SCD5: variants seen among roughly 807,000 people sequenced by gnomAD.
The protein encoded by SCD5 is acyl-CoA-desaturase 4.
Under a neutral mutation model 30.4 loss-of-function variants are expected in SCD5, and 20 were observed. The ratio of observed to expected loss-of-function variants is 0.66; its 90% CI spans 0.46 to 0.96. The LOEUF is 0.96. Among genes scored for constraint, SCD5 ranks in the 40% least tolerant of loss-of-function variants. The pLI, the probability that SCD5 is intolerant of heterozygous loss-of-function variation, is 0.00. For synonymous variants in SCD5, 173 were observed against 176.4 expected (o/e 0.98, Z 0.16); for missense variants, 381 against 443.3 (o/e 0.86, Z 1.26).
At chr4:82,674,639 T>C (rs371586314) in intron 3 of SCD5, among the ~76,000 whole-genome samples, 2 of 152,232 alleles carry the variant, frequency 1.3e-5, no homozygotes, top group Middle Eastern at 3.4e-3. Flanking sequence ...CCCAAAGGAG[T>C]TGAAAACCTA....
At chr4:82,681,631 G>C (rs28483712) in intron 2 of SCD5, among the ~76,000 whole-genome samples, 4,333 of 152,260 alleles carry the variant, frequency 0.028, 238 homozygotes, top group African/African-American at 0.099. Flanking sequence ...GCTATCAAGG[G>C]TGGAGGGTGG....
chr4:82,737,928 G>A (rs1194759499), intron 1 of SCD5, among the ~76,000 whole-genome samples: 1 of 147,534 alleles, frequency 6.8e-6, no homozygotes, highest in Non-Finnish European at 1.5e-5. Context: ...ACACTTTACA[G>A]ATTGGACCTG....
intron 1 of SCD5, among the ~76,000 whole-genome samples, chr4:82,780,317 C>G (rs564974211): frequency 6.6e-6 from 1 of 152,304 alleles, no homozygotes; most frequent in African/African-American, 2.4e-5. Flanking sequence ...CACCCCAGGC[C>G]TACTTCTCTG....
chr4:82,753,270 A>G, intron 1 of SCD5: 2 of 475,904 alleles, frequency 4.2e-6, no homozygotes, highest in Admixed American at 2.2e-5. Flanking sequence ...ATTAATCCAC[A>G]TTCTCTAGAT....
chr4:82,779,327 G>A (rs1721819996), intron 1 of SCD5, among the ~76,000 whole-genome samples: 3 of 152,160 alleles, frequency 2.0e-5, no homozygotes, highest in Admixed American at 6.5e-5. Context: ...GAAGATGGAG[G>A]AAGGGCCCAT....
At chr4:82,706,507 G>T (rs140354242) in intron 1 of SCD5, among the ~76,000 whole-genome samples, 1 of 152,212 alleles carries the variant, frequency 6.6e-6, no homozygotes, top group African/African-American at 2.4e-5. Flanking sequence ...AGTGGCTGTC[G>T]GTTTCCCATG....
At chr4:82,691,554 C>G (rs1221772945) in intron 2 of SCD5, among the ~76,000 whole-genome samples, 1 of 152,062 alleles carries the variant, frequency 6.6e-6, no homozygotes, top group Non-Finnish European at 1.5e-5. Flanking sequence ...GTGCCTGGTT[C>G]TTGGCACAGA....
In SCD5 at chr4:82,730,238, TA is replaced by T. The variant is rs1239366195; in HGVS notation, c.233-24826del. 8.5e-4 allele frequency among the ~76,000 whole-genome samples: 117 copies of T among 137,160 alleles called. 1 individual carries two copies. The highest frequency in any genetic ancestry group is 4.0e-3 in the East Asian group (18 of 4,524). The allele number at this position is 137,160 out of a possible 152,430, so 90.0% of individuals were successfully genotyped here. A position where few individuals can be genotyped will look rare whatever the true frequency, so the allele number is the denominator to read the frequency against. ...CATATATTATATTATATATAATATT[TA>T]AAAACATATAATATATTATACATTT... On this transcript the variant is annotated intron_variant, in intron 1 of 4. Coordinates refer to ENST00000319540, the MANE Select transcript of SCD5 (RefSeq NM_001037582.3).
intron 3 of SCD5, among the ~76,000 whole-genome samples, chr4:82,648,339 G>A (rs949493124): frequency 7.2e-5 from 11 of 152,220 alleles, no homozygotes; most frequent in African/African-American, 2.4e-4. Context: ...TCCCAAGGCA[G>A]GAGGCCCACA....
intron 1 of SCD5, among the ~76,000 whole-genome samples, chr4:82,763,685 C>T (rs1721426912): frequency 6.6e-6 from 1 of 152,256 alleles, no homozygotes; most frequent in African/African-American, 2.4e-5. Flanking sequence ...AGAGGGCAGA[C>T]ATCTGCAAGC....
chr4:82,700,965 C>T (rs903068125), intron 2 of SCD5, among the ~76,000 whole-genome samples: 1 of 152,002 alleles, frequency 6.6e-6, no homozygotes. Context: ...AAAATAGAAA[C>T]TTTTATTATT....
intron 1 of SCD5, among the ~76,000 whole-genome samples, chr4:82,707,117 T>G (rs1266031247): frequency 6.6e-6 from 1 of 152,246 alleles, no homozygotes; most frequent in African/African-American, 2.4e-5. Context: ...AGTTGGATGC[T>G]TACTAGCTGC....
chr4:82,798,612 G>T lies in SCD5; in HGVS notation c.-75C>A. ...GCCCGAGCGGAGCTCGAGGGTGGGGGCGGGGGCTTCTGCCTTTTAGGGGGG... is the reference window on the plus strand; with the variant it reads ...GCCCGAGCGGAGCTCGAGGGTGGGGTCGGGGGCTTCTGCCTTTTAGGGGGG... On this transcript the variant is annotated 5_prime_UTR_variant, in exon 1 of 5. Coordinates refer to ENST00000319540, the MANE Select transcript of SCD5 (RefSeq NM_001037582.3). 7.4e-7 allele frequency: 1 copy of T among 1,346,998 alleles called. No individual in the cohort carries two copies. The highest frequency in any genetic ancestry group is 9.9e-7 in the Non-Finnish European group (1 of 1,007,246). 83.4% of individuals were successfully genotyped at this position (1,346,998 alleles called of 1,614,324 possible).
At chr4:82,798,203 T>G (rs2148856495) in intron 1 of SCD5, 103 bp downstream of exon 1, 1 of 1,122,558 alleles carries the variant, frequency 8.9e-7, no homozygotes, top group African/African-American at 1.7e-5. Context: ...AGACCGGGGG[T>G]CGCTGCGCAC....
At chr4:82,762,855 C>G (rs924669253) in intron 1 of SCD5, among the ~76,000 whole-genome samples, 4 of 152,160 alleles carry the variant, frequency 2.6e-5, no homozygotes, top group African/African-American at 7.2e-5. Context: ...TCAGAAGTTT[C>G]AACAAAGACA....
At chr4:82,705,653 G>A (rs1453512447) in intron 1 of SCD5, among the ~76,000 whole-genome samples, 1 of 152,172 alleles carries the variant, frequency 6.6e-6, no homozygotes, top group East Asian at 1.9e-4. Flanking sequence ...CTTCCCTACA[G>A]CAAATCTTTT....
In SCD5 at chr4:82,666,032, T is replaced by C. The variant is rs533649512; in HGVS notation, c.569+14675A>G. Among the ~76,000 whole-genome samples the C allele has an allele frequency of 6.6e-5, 10 of 152,306 alleles. No individual in the cohort carries two copies. In the South Asian group the frequency reaches 2.1e-3, roughly 32 times the overall value. ...ATGCTAAAAAGTGTAATTTTATTCT[T>C]ATATTTTGTTTATATTATACAGATT... On this transcript the variant is annotated intron_variant, in intron 3 of 4. Coordinates refer to ENST00000319540, the MANE Select transcript of SCD5 (RefSeq NM_001037582.3).
In SCD5 at chr4:82,702,130, C is replaced by CTTTTTTTTTTTTTTTTTTTT. The variant is rs10701664; in HGVS notation, c.363+3133_363+3152dup. 1.4e-4 allele frequency among the ~76,000 whole-genome samples: 9 copies of CTTTTTTTTTTTTTTTTTTTT among 64,116 alleles called. 1 individual carries two copies. The highest frequency in any genetic ancestry group is 2.5e-4 in the Non-Finnish European group (9 of 36,324). The allele number at this position is 64,116 out of a possible 152,430, so 42.1% of individuals were successfully genotyped here. A position where few individuals can be genotyped will look rare whatever the true frequency, so the allele number is the denominator to read the frequency against. Reference sequence around the variant, plus strand: ...TCAGGCATTCCTGCCCCATCATCATCTTTTTTTTTTTTTTTTTTTTTTTTT... The same window carrying CTTTTTTTTTTTTTTTTTTTT: ...TCAGGCATTCCTGCCCCATCATCATCTTTTTTTTTTTTTTTTTTTTTTTTTTTTTTTTTTTTTTTTTTTTT... On this transcript the variant is annotated intron_variant, in intron 2 of 4. Transcript: ENST00000319540.
intron 1 of SCD5, among the ~76,000 whole-genome samples, chr4:82,734,829 T>C (rs535676265): frequency 1.3e-5 from 2 of 150,940 alleles, no homozygotes; most frequent in East Asian, 4.0e-4. Context: ...CAGTGGCACG[T>C]TCTCGGCTCA....
Sources: allele counts gnomAD v4.1 joint callset (sites outside exome capture counted in the v4.1 genomes callset), GRCh38; gene constraint gnomAD v4.1.1; transcripts MANE v1.5; gene names NCBI Gene and HGNC (gene_info 2026-07-23, HGNC 2026-07-21).